The following EPDR1 variants were observed in gnomAD, a reference collection of about 807,000 sequenced individuals.
EPDR1 encodes the protein mammalian ependymin-related protein 1.
EPDR1 carries 27 observed loss-of-function variants against 23.7 expected under a neutral mutation model. That is an observed-to-expected ratio of 1.14 (90% CI 0.84 to 1.57). The LOEUF (loss-of-function observed/expected upper bound fraction) is 1.57, where lower values mean the gene tolerates loss of function less well. Among genes scored for constraint, EPDR1 ranks in the 40% most tolerant of loss-of-function variants. EPDR1 has a pLI of 0.00. For synonymous variants in EPDR1, 137 were observed against 118.2 expected, an observed-to-expected ratio of 1.16 and a Z score of -1.03; for missense variants, 349 against 290.4, an observed-to-expected ratio of 1.20 and a Z score of -1.47.
chr7:37,931,144 AT>A (rs1016249467), intron 1 of EPDR1, among the ~76,000 whole-genome samples: 2 of 151,922 alleles, frequency 1.3e-5, no homozygotes, highest in South Asian at 2.1e-4. Flanking sequence ...TTAAATAATG[AT>A]TTTTTTTGGT....
At chr7:37,921,928 C>A (rs919844042) in intron 1 of EPDR1, among the ~76,000 whole-genome samples, 1 of 152,168 alleles carries the variant, frequency 6.6e-6, no homozygotes, top group African/African-American at 2.4e-5. Context: ...GTATCGCTTA[C>A]AGGGGCAAAG....
chr7:37,924,432 A>T (rs1011713578), intron 1 of EPDR1, among the ~76,000 whole-genome samples: 1 of 152,240 alleles, frequency 6.6e-6, no homozygotes, highest in Non-Finnish European at 1.5e-5. Flanking sequence ...CCTTCCACTC[A>T]GAATGGACCC....
chr7:37,937,268 A>C (rs1401458825), intron 1 of EPDR1, among the ~76,000 whole-genome samples: 1 of 152,196 alleles, frequency 6.6e-6, no homozygotes, highest in East Asian at 1.9e-4. Flanking sequence ...AGATCTAACA[A>C]ACAAAATAAA....
intron 1 of EPDR1, among the ~76,000 whole-genome samples, chr7:37,936,362 G>C (rs1786052382): frequency 6.6e-6 from 1 of 152,010 alleles, no homozygotes; most frequent in Admixed American, 6.6e-5. Flanking sequence ...AACCTGTGTA[G>C]TTCTTAATTT....
chr7:37,936,748 A>G (rs1444353079), intron 1 of EPDR1, among the ~76,000 whole-genome samples: 1 of 152,180 alleles, frequency 6.6e-6, no homozygotes, highest in Non-Finnish European at 1.5e-5. Context: ...AACTACTTAG[A>G]AACAAATTTA....
chr7:37,942,757 T>A (rs976702765), intron 1 of EPDR1, among the ~76,000 whole-genome samples: 5 of 152,172 alleles, frequency 3.3e-5, no homozygotes, highest in Non-Finnish European at 5.9e-5. Context: ...TTAATTTTTT[T>A]ATATTGATCA....
intron 1 of EPDR1, among the ~76,000 whole-genome samples, chr7:37,929,134 T>G (rs1263956283): frequency 6.6e-6 from 1 of 152,238 alleles, no homozygotes; most frequent in Admixed American, 6.5e-5. Context: ...CCTAAGAAGC[T>G]GCATGACTTA....
rs138400344 is a variant in EPDR1 at position 37,939,500 on chromosome 7, T to C, written c.270-9340T>C. On this transcript the variant is annotated intron_variant, in intron 1 of 2. Transcript: ENST00000199448. ...AATAAATTTAATATTTGTTCTTGCT[T>C]TAATTTTAGCAGAATGCATGTTGCT... 2.2e-3 allele frequency among the ~76,000 whole-genome samples: 342 copies of C among 152,316 alleles called. 1 individual carries two copies. Among genetic ancestry groups the C allele is most frequent in the African/African-American group, 7.9e-3 (329 of 41,562 alleles).
intron 1 of EPDR1, among the ~76,000 whole-genome samples, chr7:37,945,537 G>A (rs1056307829): frequency 6.6e-6 from 1 of 152,122 alleles, no homozygotes; most frequent in African/African-American, 2.4e-5. Flanking sequence ...CAATGAAGTG[G>A]TGGTCCCATG....
chr7:37,926,620 G>A (rs1012829870), intron 1 of EPDR1: 1 of 448,362 alleles, frequency 2.2e-6, no homozygotes, highest in African/African-American at 2.0e-5. Flanking sequence ...TTATTTTGTA[G>A]AATGTTCCTT....
In EPDR1 at chr7:37,921,053, C is replaced by A. The variant is rs774698462; in HGVS notation, c.114C>A (p.Ala38=). ...CGLCSLGAVG[A]PRPCQAPQQW... ...TGTGCAGCCTGGGGGCGGTGGGAGCCCCGCGCCCGTGCCAGGCGCCGCAGC... is the reference window on the plus strand; with the variant it reads ...TGTGCAGCCTGGGGGCGGTGGGAGCACCGCGCCCGTGCCAGGCGCCGCAGC... Residue 38 remains alanine (A), a synonymous_variant, in exon 1 of 3, where the codon GCC becomes GCA. Coordinates refer to ENST00000199448, the MANE Select transcript of EPDR1 (RefSeq NM_017549.5). The A allele has an allele frequency of 1.8e-4, 284 of 1,541,854 alleles. No homozygotes were observed. The highest frequency in any genetic ancestry group is 2.4e-4 in the Non-Finnish European group (276 of 1,149,770).
At chr7:37,938,712 A>T (rs968173974) in intron 1 of EPDR1, among the ~76,000 whole-genome samples, 1 of 152,202 alleles carries the variant, frequency 6.6e-6, no homozygotes, top group African/African-American at 2.4e-5. Context: ...GTTTCAGCTC[A>T]TGTTACAATT....
intron 1 of EPDR1, among the ~76,000 whole-genome samples, chr7:37,938,566 C>CCTTGAGCATCCAGAGAAACTTA (rs1786105920): frequency 1.3e-5 from 2 of 152,182 alleles, no homozygotes; most frequent in Admixed American, 6.5e-5. Flanking sequence ...ATGCAAAATG[C>CCTTGAGCATCCAGAGAAACTTA]CTTGAGCATC....
chr7:37,928,628 C>A (rs190750632), intron 1 of EPDR1, among the ~76,000 whole-genome samples: 440 of 152,294 alleles, frequency 2.9e-3, no homozygotes, highest in African/African-American at 9.7e-3. Context: ...ATTAATTCCC[C>A]AATCTTGATG....
rs184892655 is a variant in EPDR1 at position 37,946,905 on chromosome 7, C to T, written c.270-1935C>T. Among the ~76,000 whole-genome samples the T allele has an allele frequency of 7.2e-4, 109 of 151,922 alleles. 1 individual carries two copies. Among genetic ancestry groups the T allele is most frequent in the Admixed American group, 3.3e-4 (5 of 15,272 alleles). Reference sequence around the variant, plus strand: ...ATTTGTGTTTTAAGCTGTCTTACTACAAAAGAGTCAAAAAGTTTAAAAAAT... The same window carrying T: ...ATTTGTGTTTTAAGCTGTCTTACTATAAAAGAGTCAAAAAGTTTAAAAAAT... On this transcript the variant is annotated intron_variant, in intron 1 of 2. Coordinates refer to ENST00000199448, the MANE Select transcript of EPDR1 (RefSeq NM_017549.5).
Position 37,950,189 on chromosome 7 carries a change from TC to T in EPDR1, c.479-9del, listed in dbSNP as rs753743504. ...TTCTTTATTTAAAAGTCAACTTTTTTCCTCTTATAGATGAAACCTGGATTGG... is the reference window on the plus strand; with the variant it reads ...TTCTTTATTTAAAAGTCAACTTTTTTCTCTTATAGATGAAACCTGGATTGG... On this transcript the variant is annotated splice_polypyrimidine_tract_variant and intron_variant, in intron 2 of 2. Transcript: ENST00000199448. 6.4e-7 allele frequency: 1 copy of T among 1,574,762 alleles called. No homozygotes were observed. Among genetic ancestry groups the T allele is most frequent in the South Asian group, 1.2e-5 (1 of 86,722 alleles).
chr7:37,922,407 T>A (rs1168098101), intron 1 of EPDR1, among the ~76,000 whole-genome samples: 2 of 152,154 alleles, frequency 1.3e-5, no homozygotes. Flanking sequence ...TGGGAATTGA[T>A]TCGAAGTCTT....
intron 1 of EPDR1, among the ~76,000 whole-genome samples, chr7:37,922,432 G>A (rs1024634274): frequency 6.6e-6 from 1 of 152,154 alleles, no homozygotes; most frequent in African/African-American, 2.4e-5. Flanking sequence ...GAACATGAAT[G>A]TTTTCAGTAG....
chr7:37,927,720 A>C (rs149590425), intron 1 of EPDR1, among the ~76,000 whole-genome samples: 39 of 152,338 alleles, frequency 2.6e-4, no homozygotes, highest in African/African-American at 8.9e-4. Context: ...CTATTTGATC[A>C]TGAATCTTGT....
Sources: allele counts gnomAD v4.1 joint callset (sites outside exome capture counted in the v4.1 genomes callset), GRCh38; gene constraint gnomAD v4.1.1; transcripts MANE v1.5; gene names NCBI Gene and HGNC (gene_info 2026-07-23, HGNC 2026-07-21).